Variants in CHSY3 observed in about 807,000 individuals in gnomAD.
CHSY3 encodes the protein N-acetylgalactosaminyl-proteoglycan 3-beta-glucuronosyltransferase 3.
A neutral mutation model predicts 67.2 loss-of-function variants in CHSY3; 35 were observed. That is an observed-to-expected ratio of 0.52 (90% confidence interval 0.40 to 0.69). The LOEUF is 0.69. Among genes scored for constraint, CHSY3 ranks in the 30% least tolerant of loss-of-function variants. The pLI, the probability that CHSY3 is intolerant of heterozygous loss-of-function variation, is 0.00. For synonymous variants in CHSY3, 474 were observed against 434.7 expected (o/e 1.09, Z -1.12); for missense variants, 1,069 against 1,138.5 (o/e 0.94, Z 0.88).
At chr5:130,079,100 G>A (rs1439060455) in intron 2 of CHSY3, among the ~76,000 whole-genome samples, 1 of 152,104 alleles carries the variant, frequency 6.6e-6, no homozygotes, top group African/African-American at 2.4e-5. Flanking sequence ...AAGAGCTCCT[G>A]TATTTGAAGG....
chr5:129,962,645 A>ATGCTCTC (rs1206602441), intron 2 of CHSY3, among the ~76,000 whole-genome samples: 5 of 151,986 alleles, frequency 3.3e-5, no homozygotes. Flanking sequence ...GCTCTGTCTC[A>ATGCTCTC]TGCTCTCTGC....
At chr5:129,973,832 A>T (rs910267759) in intron 2 of CHSY3, among the ~76,000 whole-genome samples, 1 of 151,976 alleles carries the variant, frequency 6.6e-6, no homozygotes, top group Non-Finnish European at 1.5e-5. Flanking sequence ...CAAAACCCAG[A>T]CTCCATAGCA....
chr5:129,997,917 C>T (rs1428223948), intron 2 of CHSY3, among the ~76,000 whole-genome samples: 2 of 152,126 alleles, frequency 1.3e-5, no homozygotes, highest in Non-Finnish European at 2.9e-5. Flanking sequence ...CGTTGATGGA[C>T]ATTTGGGTTG....
intron 2 of CHSY3, among the ~76,000 whole-genome samples, chr5:129,925,511 T>C (rs1168758546): frequency 6.6e-6 from 1 of 152,212 alleles, no homozygotes; most frequent in Admixed American, 6.5e-5. Context: ...GTATACATTA[T>C]GGAATGGCTG....
intron 2 of CHSY3, among the ~76,000 whole-genome samples, chr5:130,028,271 T>C (rs6879006): frequency 0.61 from 92,750 of 151,982 alleles, 28,545 homozygotes; most frequent in African/African-American, 0.68. Flanking sequence ...AACTATACTA[T>C]GAGGCTACAG....
chr5:130,012,561 T>C (rs1764098135), intron 2 of CHSY3, among the ~76,000 whole-genome samples: 1 of 152,150 alleles, frequency 6.6e-6, no homozygotes, highest in African/African-American at 2.4e-5. Flanking sequence ...AAGGCACCTC[T>C]TCACAGGGCA....
chr5:130,141,953 C>A, intron 2 of CHSY3: 1 of 218,978 alleles, frequency 4.6e-6, no homozygotes, highest in South Asian at 6.4e-5. Flanking sequence ...CTGACTAAGT[C>A]AGCTCAAGTA....
intron 2 of CHSY3, among the ~76,000 whole-genome samples, chr5:130,073,378 C>T (rs1207956174): frequency 6.6e-6 from 1 of 151,808 alleles, no homozygotes; most frequent in Non-Finnish European, 1.5e-5. Context: ...ACCTCTGCCT[C>T]CCGGGTTCAA....
At chr5:130,178,211 ATG>A (rs1436524056) in intron 2 of CHSY3, among the ~76,000 whole-genome samples, 70 of 114,386 alleles carry the variant, frequency 6.1e-4, no homozygotes, top group African/African-American at 2.1e-3. Flanking sequence ...TTATATATAT[ATG>A]TATATATTTA....
intron 2 of CHSY3, among the ~76,000 whole-genome samples, chr5:130,156,941 G>A (rs1333315068): frequency 6.6e-6 from 1 of 152,192 alleles, no homozygotes; most frequent in Non-Finnish European, 1.5e-5. Context: ...AGGATATACT[G>A]TCATTCCTAA....
At chr5:130,001,754 C>G (rs547647395) in intron 2 of CHSY3, 3 of 838,362 alleles carry the variant, frequency 3.6e-6, no homozygotes, top group Non-Finnish European at 4.3e-6. Flanking sequence ...AAATTGGCAT[C>G]CCTTATTCTG....
chr5:130,033,145 C>T (rs1386187295), intron 2 of CHSY3, among the ~76,000 whole-genome samples: 1 of 152,158 alleles, frequency 6.6e-6, no homozygotes, highest in Non-Finnish European at 1.5e-5. Flanking sequence ...CAGGATATCT[C>T]CATTTGTAAA....
intron 2 of CHSY3, among the ~76,000 whole-genome samples, chr5:130,178,888 T>C (rs1305953577): frequency 6.6e-6 from 1 of 152,232 alleles, no homozygotes; most frequent in Non-Finnish European, 1.5e-5. Context: ...CAACTTTTAC[T>C]CCTATTTCTG....
At chr5:130,034,622 A>C (rs1764795879) in intron 2 of CHSY3, among the ~76,000 whole-genome samples, 1 of 152,176 alleles carries the variant, frequency 6.6e-6, no homozygotes, top group South Asian at 2.1e-4. Flanking sequence ...GTTAGACTCT[A>C]AAGAGGTGAG....
chr5:129,934,801 G>A (rs1761433682), intron 2 of CHSY3, among the ~76,000 whole-genome samples: 2 of 152,132 alleles, frequency 1.3e-5, no homozygotes, highest in South Asian at 2.1e-4. Flanking sequence ...AAAAGAGAAG[G>A]GAAGCAATGA....
chr5:129,981,152 C>G (rs993640347), intron 2 of CHSY3, among the ~76,000 whole-genome samples: 5 of 150,936 alleles, frequency 3.3e-5, no homozygotes, highest in Non-Finnish European at 7.4e-5. Flanking sequence ...ACCCGGGGGG[C>G]GGAGCTTGCA....
intron 2 of CHSY3, among the ~76,000 whole-genome samples, chr5:130,046,878 C>A (rs1765169851): frequency 6.6e-6 from 1 of 151,782 alleles, no homozygotes; most frequent in South Asian, 2.1e-4. Context: ...CAATTGTCAT[C>A]TTTTTGGAAG....
At chr5:129,968,835 C>T (rs148160582) in intron 2 of CHSY3, among the ~76,000 whole-genome samples, 8 of 151,920 alleles carry the variant, frequency 5.3e-5, no homozygotes, top group African/African-American at 1.7e-4. Flanking sequence ...AGTAGTCTAC[C>T]TGCATCTGAA....
intron 2 of CHSY3, among the ~76,000 whole-genome samples, chr5:130,106,558 G>A (rs1166782240): frequency 6.6e-6 from 1 of 151,556 alleles, no homozygotes; most frequent in Non-Finnish European, 1.5e-5. Flanking sequence ...TGTTTCAGGT[G>A]GTGACAAAGT....
Sources: allele counts gnomAD v4.1 joint callset (sites outside exome capture counted in the v4.1 genomes callset), GRCh38; gene constraint gnomAD v4.1.1; transcripts MANE v1.5; gene names NCBI Gene and HGNC (gene_info 2026-07-23, HGNC 2026-07-21).